KCNMB2: variants seen among roughly 807,000 people sequenced by gnomAD.
KCNMB2 encodes calcium-activated potassium channel subunit beta-2.
In KCNMB2, 9 loss-of-function variants were observed where a neutral mutation model predicts 24.5. The ratio of observed to expected loss-of-function variants is 0.37; its 90% CI spans 0.22 to 0.64. The LOEUF (loss-of-function observed/expected upper bound fraction) is 0.64. Ranked by LOEUF, KCNMB2 falls within the 30% of genes least tolerant of loss-of-function variation. The pLI is 0.63. For synonymous variants in KCNMB2, 109 were observed against 104.4 expected, an observed-to-expected ratio of 1.04 and a Z score of -0.27; for missense variants, 226 against 284.3, an observed-to-expected ratio of 0.79 and a Z score of 1.47.
chr3:178,630,202 G>A (rs1186552113), intron 1 of KCNMB2, among the ~76,000 whole-genome samples: 1 of 152,172 alleles, frequency 6.6e-6, no homozygotes, highest in African/African-American at 2.4e-5. Context: ...ACCATGACAA[G>A]AAAGATGGTA....
At chr3:178,622,782 T>C (rs1718970034) in intron 1 of KCNMB2, among the ~76,000 whole-genome samples, 1 of 152,196 alleles carries the variant, frequency 6.6e-6, no homozygotes, top group South Asian at 2.1e-4. Flanking sequence ...ACCTGAAATC[T>C]GAGTACAGCA....
At chr3:178,586,534 C>T (rs796267450) in intron 1 of KCNMB2, among the ~76,000 whole-genome samples, 1,158 of 66,178 alleles carry the variant, frequency 0.017, no homozygotes, top group Middle Eastern at 0.052. Context: ...TTTTTTTTTT[C>T]TTTCTTTTTT....
intron 1 of KCNMB2, among the ~76,000 whole-genome samples, chr3:178,757,484 G>A (rs1293963447): frequency 4.7e-5 from 2 of 42,110 alleles, no homozygotes; most frequent in African/African-American, 2.1e-4. Context: ...ATATATATAT[G>A]TATATATATC....
chr3:178,557,004 T>TA (rs1486974879), intron 1 of KCNMB2, among the ~76,000 whole-genome samples: 1 of 152,158 alleles, frequency 6.6e-6, no homozygotes, highest in Non-Finnish European at 1.5e-5. Flanking sequence ...AGGATAATAA[T>TA]AGCCTAAACA....
At chr3:178,650,120 T>G (rs1577072070) in intron 1 of KCNMB2, among the ~76,000 whole-genome samples, 1 of 152,036 alleles carries the variant, frequency 6.6e-6, no homozygotes, top group South Asian at 2.1e-4. Context: ...CATTCAGGAG[T>G]AGCTTGTTCA....
chr3:178,711,773 T>C (rs1722462948), intron 1 of KCNMB2, among the ~76,000 whole-genome samples: 1 of 128,452 alleles, frequency 7.8e-6, no homozygotes, highest in African/African-American at 2.8e-5. Flanking sequence ...GAATTTTCTA[T>C]GTGCCAGGCT....
intron 1 of KCNMB2, among the ~76,000 whole-genome samples, chr3:178,659,510 T>C (rs7623350): frequency 0.14 from 21,044 of 152,254 alleles, 1,781 homozygotes; most frequent in Admixed American, 0.22. Flanking sequence ...CATGATATAT[T>C]TTCTGGTACA....
In KCNMB2 at chr3:178,812,829, A is replaced by T. The variant is rs377593714; in HGVS notation, c.56+5364A>T. ...GTCCACCTCAGACAAACACCTCACAACAGTTTACAAATTTTAGCATTATGC... is the reference window on the plus strand; with the variant it reads ...GTCCACCTCAGACAAACACCTCACATCAGTTTACAAATTTTAGCATTATGC... On this transcript the variant is annotated intron_variant, in intron 2 of 4. Coordinates refer to ENST00000452583, the MANE Select transcript of KCNMB2 (RefSeq NM_181361.3). 6.0e-4 allele frequency among the ~76,000 whole-genome samples: 91 copies of T among 152,180 alleles called. 1 individual carries two copies. In the South Asian group the frequency reaches 0.01, roughly 17 times the overall value.
At chr3:178,607,583 T>C (rs1215715546) in intron 1 of KCNMB2, among the ~76,000 whole-genome samples, 1 of 152,028 alleles carries the variant, frequency 6.6e-6, no homozygotes, top group Non-Finnish European at 1.5e-5. Flanking sequence ...GTAAATGCAA[T>C]TGTCAATTTA....
At chr3:178,709,503 T>C (rs1292354439) in intron 1 of KCNMB2, among the ~76,000 whole-genome samples, 1 of 152,194 alleles carries the variant, frequency 6.6e-6, no homozygotes, top group Non-Finnish European at 1.5e-5. Flanking sequence ...GCTAGGTCAA[T>C]AGCAAAAGAC....
intron 1 of KCNMB2, among the ~76,000 whole-genome samples, chr3:178,710,686 C>T (rs1722423648): frequency 6.6e-6 from 1 of 152,034 alleles, no homozygotes; most frequent in Admixed American, 6.6e-5. Context: ...CAAAGAAAAG[C>T]CATTATGCAG....
At chr3:178,807,292 A>G in intron 1 of KCNMB2, 51 bp from the exon 2 acceptor site, 1 of 721,772 alleles carries the variant, frequency 1.4e-6, no homozygotes, top group Non-Finnish European at 2.4e-6. Flanking sequence ...GTAAGAGTCA[A>G]TCCACTGAGA....
chr3:178,687,169 A>C (rs564966607), intron 1 of KCNMB2, among the ~76,000 whole-genome samples: 1 of 152,104 alleles, frequency 6.6e-6, no homozygotes, highest in Non-Finnish European at 1.5e-5. Flanking sequence ...TAAGAAAACT[A>C]TATCTCTGGC....
At chr3:178,744,717 A>G (rs1723606151) in intron 1 of KCNMB2, among the ~76,000 whole-genome samples, 3 of 63,766 alleles carry the variant, frequency 4.7e-5, no homozygotes, top group Non-Finnish European at 8.9e-5. Flanking sequence ...GTGGGATCCG[A>G]AAAAAAAAAA....
At chr3:178,552,260 T>C (rs775858907) in intron 1 of KCNMB2, among the ~76,000 whole-genome samples, 3 of 152,058 alleles carry the variant, frequency 2.0e-5, no homozygotes, top group African/African-American at 4.8e-5. Context: ...CACTGAGGAG[T>C]TGCGAAAGAG....
intron 1 of KCNMB2, among the ~76,000 whole-genome samples, chr3:178,725,907 G>A (rs1185618236): frequency 6.6e-6 from 1 of 151,516 alleles, no homozygotes; most frequent in East Asian, 1.9e-4. Context: ...CAATCTCTAT[G>A]TTTTAGTTGG....
intron 1 of KCNMB2, among the ~76,000 whole-genome samples, chr3:178,701,256 G>A (rs577886760): frequency 6.6e-6 from 1 of 152,244 alleles, no homozygotes; most frequent in South Asian, 2.1e-4. Flanking sequence ...TGTCAAAGAT[G>A]AGACAGCTGT....
At chr3:178,842,370 T>C (rs557364624) in intron 4 of KCNMB2, among the ~76,000 whole-genome samples, 1 of 152,290 alleles carries the variant, frequency 6.6e-6, no homozygotes, top group South Asian at 2.1e-4. Flanking sequence ...GCATGCAACA[T>C]GGAATGATTA....
chr3:178,606,310 G>A (rs2108511803), intron 1 of KCNMB2, among the ~76,000 whole-genome samples: 1 of 152,196 alleles, frequency 6.6e-6, no homozygotes, highest in South Asian at 2.1e-4. Context: ...GACAGGTTCT[G>A]CCCAAAGCTG....
Sources: allele counts gnomAD v4.1 joint callset (sites outside exome capture counted in the v4.1 genomes callset), GRCh38; gene constraint gnomAD v4.1.1; transcripts MANE v1.5; gene names NCBI Gene and HGNC (gene_info 2026-07-23, HGNC 2026-07-21).